SPAG16: variants seen among roughly 807,000 people sequenced by gnomAD.
SPAG16 encodes the protein sperm associated antigen 16.
Under a neutral mutation model 80.4 loss-of-function variants are expected in SPAG16, and 86 were observed. The observed-to-expected ratio is 1.07, with a 90% CI of 0.90 to 1.28. The LOEUF (loss-of-function observed/expected upper bound fraction) is 1.28, where lower values mean the gene tolerates loss of function less well. SPAG16 is among the 50% of genes most tolerant of loss of function. The pLI, the probability that SPAG16 is intolerant of heterozygous loss-of-function variation, is 0.00. For missense variants in SPAG16, 870 were observed against 765.3 expected (o/e 1.14, Z -1.61); for synonymous variants, 294 against 265.9 (o/e 1.11, Z -1.03).
chr2:213,967,681 G>T (rs1286162033), intron 12 of SPAG16, among the ~76,000 whole-genome samples: 3 of 152,106 alleles, frequency 2.0e-5, no homozygotes, highest in African/African-American at 7.2e-5. Flanking sequence ...GCAAAGTAAG[G>T]TAATTATAGA....
intron 15 of SPAG16, among the ~76,000 whole-genome samples, chr2:214,217,080 G>A (rs566247773): frequency 1.3e-5 from 2 of 152,258 alleles, no homozygotes; most frequent in Non-Finnish European, 2.9e-5. Context: ...GAGCCAAGTG[G>A]TGGATTTAAC....
intron 15 of SPAG16, among the ~76,000 whole-genome samples, chr2:214,200,559 C>T (rs542041630): frequency 1.3e-5 from 2 of 151,852 alleles, no homozygotes; most frequent in East Asian, 1.9e-4. Flanking sequence ...TTTTTCATAA[C>T]GTTACAAAGA....
intron 15 of SPAG16, among the ~76,000 whole-genome samples, chr2:214,384,695 CT>C (rs35219412): frequency 0.32 from 48,042 of 152,114 alleles, 9,017 homozygotes; most frequent in South Asian, 0.48. Context: ...CAGCAAAACT[CT>C]TTTTCATTTC....
At chr2:213,668,249 T>A (rs1186144257) in intron 10 of SPAG16, among the ~76,000 whole-genome samples, 1 of 151,670 alleles carries the variant, frequency 6.6e-6, no homozygotes, top group Non-Finnish European at 1.5e-5. Flanking sequence ...AAAATTCTAT[T>A]TTTTAAAAAG....
At chr2:214,376,471 T>C (rs116907694) in intron 15 of SPAG16, among the ~76,000 whole-genome samples, 6 of 152,310 alleles carry the variant, frequency 3.9e-5, no homozygotes, top group East Asian at 3.9e-4. Flanking sequence ...CTCTGCCTGC[T>C]TGACCTAAGG....
chr2:213,285,141 A>G (rs1353593886), intron 1 of SPAG16, among the ~76,000 whole-genome samples: 4 of 152,222 alleles, frequency 2.6e-5, no homozygotes, highest in African/African-American at 7.2e-5. Flanking sequence ...TGATAGCATT[A>G]TCTTCCTGAG....
At chr2:214,127,388 T>G (rs10186170) in intron 14 of SPAG16, among the ~76,000 whole-genome samples, 8 of 151,400 alleles carry the variant, frequency 5.3e-5, no homozygotes, top group Non-Finnish European at 2.9e-5. Flanking sequence ...CAATATCACA[T>G]GCTGTTCCTT....
At chr2:213,885,111 T>C (rs532439157) in intron 11 of SPAG16, among the ~76,000 whole-genome samples, 2 of 152,270 alleles carry the variant, frequency 1.3e-5, no homozygotes, top group Admixed American at 6.5e-5. Flanking sequence ...CCCTTAACTG[T>C]AGTTTAAATA....
chr2:213,517,723 A>T (rs1295627293), intron 10 of SPAG16, among the ~76,000 whole-genome samples: 1 of 152,194 alleles, frequency 6.6e-6, no homozygotes, highest in Non-Finnish European at 1.5e-5. Flanking sequence ...CTGTTCAATA[A>T]ATAGTGCTGG....
chr2:214,335,899 C>G (rs767000832), intron 15 of SPAG16, among the ~76,000 whole-genome samples: 6 of 151,756 alleles, frequency 4.0e-5, no homozygotes, highest in Non-Finnish European at 7.4e-5. Flanking sequence ...GCTGGGCCTA[C>G]AGGTACCCAC....
At chr2:214,379,183 C>T (rs1435609572) in intron 15 of SPAG16, among the ~76,000 whole-genome samples, 2 of 152,200 alleles carry the variant, frequency 1.3e-5, no homozygotes, top group Non-Finnish European at 2.9e-5. Flanking sequence ...TTGAAATTTG[C>T]TTCTTAATAT....
At chr2:214,404,432 T>C (rs375403351) in intron 15 of SPAG16, among the ~76,000 whole-genome samples, 3 of 152,208 alleles carry the variant, frequency 2.0e-5, no homozygotes, top group Non-Finnish European at 4.4e-5. Context: ...TTTGTTGTTG[T>C]TGCTGCTGCT....
intron 9 of SPAG16, among the ~76,000 whole-genome samples, chr2:213,400,751 T>C (rs982966543): frequency 2.0e-5 from 3 of 152,166 alleles, no homozygotes; most frequent in Non-Finnish European, 2.9e-5. Context: ...CAGAAATATT[T>C]ACTCCCTCCC....
chr2:213,862,113 AC>A (rs2075492253), intron 10 of SPAG16, among the ~76,000 whole-genome samples: 1 of 152,234 alleles, frequency 6.6e-6, no homozygotes, highest in Non-Finnish European at 1.5e-5. Context: ...TTCTATAGTA[AC>A]CATGACCACT....
At chr2:213,296,011 T>TG in intron 1 of SPAG16, 53 bp from the exon 2 acceptor site, 1 of 1,478,496 alleles carries the variant, frequency 6.8e-7, no homozygotes, top group Non-Finnish European at 9.4e-7. Context: ...TCAATTTTTG[T>TG]GCAATAATTT....
At chr2:214,213,336 C>T (rs1194121396) in intron 15 of SPAG16, among the ~76,000 whole-genome samples, 10 of 152,026 alleles carry the variant, frequency 6.6e-5, no homozygotes, top group Non-Finnish European at 1.5e-4. Flanking sequence ...TCCTGAATGC[C>T]TGAATTTTAA....
chr2:213,405,010 G>A (rs935642850), intron 9 of SPAG16, among the ~76,000 whole-genome samples: 4 of 152,156 alleles, frequency 2.6e-5, no homozygotes, highest in African/African-American at 9.7e-5. Context: ...CCAACAGTAA[G>A]CATGTGCTTA....
intron 14 of SPAG16, among the ~76,000 whole-genome samples, chr2:214,118,241 A>G (rs1159754702): frequency 6.6e-6 from 1 of 152,234 alleles, no homozygotes; most frequent in East Asian, 1.9e-4. Context: ...CCCATTTACA[A>G]TAACTACAAA....
intron 15 of SPAG16, among the ~76,000 whole-genome samples, chr2:214,383,553 A>C (rs1019237011): frequency 1.3e-5 from 2 of 150,928 alleles, no homozygotes; most frequent in Admixed American, 6.6e-5. Flanking sequence ...CCTGGGCAAC[A>C]GAGTGAGACT....
Sources: gnomAD v4.1 joint callset for allele counts (sites outside exome capture counted in the v4.1 genomes callset) on GRCh38, gnomAD v4.1.1 for gene constraint, MANE v1.5 for transcripts, NCBI Gene and HGNC (gene_info 2026-07-23, HGNC 2026-07-21) for gene names.